The following PLGRKT variants were observed in gnomAD, a reference collection of about 807,000 sequenced individuals.
PLGRKT encodes plasminogen receptor (KT).
A neutral mutation model predicts 18.5 loss-of-function variants in PLGRKT; 22 were observed. That is an observed-to-expected ratio of 1.19 (90% confidence interval 0.85 to 1.70). The LOEUF (loss-of-function observed/expected upper bound fraction) is 1.70, where lower values mean the gene tolerates loss of function less well. Among genes scored for constraint, PLGRKT ranks in the 40% most tolerant of loss-of-function variants. The probability of loss-of-function intolerance (pLI) is 0.00; values close to 1 mark genes in which losing one functional copy is unlikely to be tolerated. For missense variants in PLGRKT, 235 were observed against 174.4 expected, an observed-to-expected ratio of 1.35 and a Z score of -1.96; for synonymous variants, 72 against 52.8, an observed-to-expected ratio of 1.36 and a Z score of -1.58.
chr9:5,430,516 T>C (rs1469386390), intron 3 of PLGRKT, among the ~76,000 whole-genome samples: 1 of 152,252 alleles, frequency 6.6e-6, no homozygotes, highest in African/African-American at 2.4e-5. Flanking sequence ...AACAAATATT[T>C]ATGAGGTGAG....
chr9:5,435,024 C>T (rs555664236), intron 2 of PLGRKT, among the ~76,000 whole-genome samples: 1 of 151,930 alleles, frequency 6.6e-6, no homozygotes, highest in Admixed American at 6.6e-5. Flanking sequence ...TTACCCCCAA[C>T]CCCCTGCTCT....
intron 3 of PLGRKT, among the ~76,000 whole-genome samples, chr9:5,407,732 T>G (rs189879830): frequency 1.5e-3 from 230 of 152,286 alleles, no homozygotes; most frequent in Middle Eastern, 6.8e-3. Flanking sequence ...AGTGGAGAAT[T>G]TGGAGACTTT....
At chr9:5,373,241 CT>C (rs1285298225) in intron 3 of PLGRKT, among the ~76,000 whole-genome samples, 13 of 152,162 alleles carry the variant, frequency 8.5e-5, no homozygotes, top group African/African-American at 3.1e-4. Context: ...TTTTATGCCC[CT>C]ATCCACTGTA....
chr9:5,398,907 C>T (rs1256359637), intron 3 of PLGRKT, among the ~76,000 whole-genome samples: 1 of 151,544 alleles, frequency 6.6e-6, no homozygotes, highest in Non-Finnish European at 1.5e-5. Flanking sequence ...ACTTCGCCTC[C>T]CCATCTGCTT....
intron 3 of PLGRKT, among the ~76,000 whole-genome samples, chr9:5,365,366 T>G (rs951191946): frequency 2.6e-5 from 4 of 152,132 alleles, no homozygotes; most frequent in Non-Finnish European, 4.4e-5. Context: ...TAACCTAAAG[T>G]ACAAAATAAA....
At chr9:5,400,602 T>G (rs1043521007) in intron 3 of PLGRKT, among the ~76,000 whole-genome samples, 1 of 151,942 alleles carries the variant, frequency 6.6e-6, no homozygotes, top group Admixed American at 6.6e-5. Context: ...ATCCAAATAT[T>G]TCTTCTTCTA....
chr9:5,406,173 A>C (rs572648135), intron 3 of PLGRKT, among the ~76,000 whole-genome samples: 11 of 152,346 alleles, frequency 7.2e-5, no homozygotes, highest in East Asian at 3.9e-4. Context: ...AATTTAAATT[A>C]GTTCAACCTT....
chr9:5,411,463 G>C (rs1008748178), intron 3 of PLGRKT, among the ~76,000 whole-genome samples: 11 of 152,150 alleles, frequency 7.2e-5, no homozygotes, highest in Middle Eastern at 6.8e-3. Flanking sequence ...CCAATTCTTG[G>C]GTATCCTTCT....
intron 3 of PLGRKT, among the ~76,000 whole-genome samples, chr9:5,397,970 G>T (rs1477995257): frequency 6.6e-6 from 1 of 151,960 alleles, no homozygotes; most frequent in Non-Finnish European, 1.5e-5. Context: ...GGAGGACATA[G>T]CTGAGATCTG....
In PLGRKT at chr9:5,361,101, C is replaced by G; in HGVS notation, c.299G>C (p.Gly100Ala). The change falls in exon 5 of 6, where the codon GGA (glycine) becomes GCA (alanine). Residue 100 changes from glycine to alanine, a missense_variant. Physicochemically the swap from Gly to Ala is moderately conservative, Grantham distance 60. Transcript: ENST00000223864. ...ILTYQYDLGY[G>A]TLLERMKGEA... is the part of the protein sequence containing the mutation. The stretch of plus-strand genomic sequence containing the variant: ...ACCTTTCATTCTTTCTAAAAGGGTT[C>G]CATAGCCCAAGTCATACTGGTAGGT... 6.3e-7 allele frequency: 1 copy of G among 1,578,580 alleles called. No individual in the cohort carries two copies. Among genetic ancestry groups the G allele is most frequent in the Non-Finnish European group, 8.7e-7 (1 of 1,148,682 alleles).
intron 3 of PLGRKT, among the ~76,000 whole-genome samples, chr9:5,371,407 T>C (rs10975078): frequency 6.6e-6 from 1 of 152,160 alleles, no homozygotes; most frequent in Non-Finnish European, 1.5e-5. Context: ...AATTGAATCA[T>C]GGGGGCCAGT....
At chr9:5,434,661 G>A (rs1338302242) in intron 2 of PLGRKT, among the ~76,000 whole-genome samples, 5 of 130,220 alleles carry the variant, frequency 3.8e-5, no homozygotes, top group East Asian at 2.5e-4. Context: ...GAGGAGCACC[G>A]CTGCCCGGCC....
intron 3 of PLGRKT, among the ~76,000 whole-genome samples, chr9:5,420,947 G>T (rs551787354): frequency 1.3e-5 from 2 of 152,328 alleles, no homozygotes; most frequent in South Asian, 4.1e-4. Flanking sequence ...GCTCATAATA[G>T]TTATTTGCTG....
chr9:5,414,695 C>T (rs1818425969), intron 3 of PLGRKT, among the ~76,000 whole-genome samples: 1 of 152,124 alleles, frequency 6.6e-6, no homozygotes, highest in African/African-American at 2.4e-5. Context: ...AAGGAACATG[C>T]AAATAACGTC....
chr9:5,389,344 T>A (rs1817903686), intron 3 of PLGRKT, among the ~76,000 whole-genome samples: 1 of 151,886 alleles, frequency 6.6e-6, no homozygotes, highest in African/African-American at 2.4e-5. Context: ...TTGTTTTATG[T>A]CTTTGTTCAT....
chr9:5,359,401 G>T (rs1333182478), intron 5 of PLGRKT, among the ~76,000 whole-genome samples: 1 of 151,980 alleles, frequency 6.6e-6, no homozygotes, highest in Non-Finnish European at 1.5e-5. Flanking sequence ...ACAGACCATA[G>T]TTTTCAAATT....
chr9:5,386,347 T>C (rs1030858014), intron 3 of PLGRKT, among the ~76,000 whole-genome samples: 1 of 151,768 alleles, frequency 6.6e-6, no homozygotes, highest in Admixed American at 6.6e-5. Flanking sequence ...AAAGTAGTGG[T>C]TCTCAACCAG....
chr9:5,403,287 G>A (rs151214045), intron 3 of PLGRKT, among the ~76,000 whole-genome samples: 2,269 of 149,052 alleles, frequency 0.015, 67 homozygotes, highest in Admixed American at 0.067. Flanking sequence ...ACAATGGTGC[G>A]ATCTCCGCTC....
At position 5,416,024 on chromosome 9, in the gene PLGRKT, T is replaced by G. The variant is rs568983083; in HGVS notation, c.81+15873A>C. On this transcript the variant is annotated intron_variant, in intron 3 of 5. Transcript: ENST00000223864. ...TCTCCTGGTTTTGATCATTGTACAA[T>G]GACTTTGTAAATTGTTAATATTAGA... Among the ~76,000 whole-genome samples, 27 of 152,212 alleles carry G rather than the reference T, an allele frequency of 1.8e-4. 1 individual carries two copies. In the South Asian group the frequency reaches 2.5e-3, roughly 14 times the overall value.
Sources: allele counts gnomAD v4.1 joint callset (sites outside exome capture counted in the v4.1 genomes callset), GRCh38; gene constraint gnomAD v4.1.1; transcripts MANE v1.5; gene names NCBI Gene and HGNC (gene_info 2026-07-23, HGNC 2026-07-21).